RSF1: variants seen among roughly 807,000 people sequenced by gnomAD.
RSF1 encodes HBV pX-associated protein 8.
A neutral mutation model predicts 145.2 loss-of-function variants in RSF1; 13 were observed. That is an observed-to-expected ratio of 0.09 (90% CI 0.06 to 0.14). The LOEUF (loss-of-function observed/expected upper bound fraction) is 0.14. Among genes scored for constraint, RSF1 ranks in the 10% least tolerant of loss-of-function variants. RSF1 has a pLI of 1.00. For missense variants in RSF1, 1,517 were observed against 1,718.2 expected (o/e 0.88, Z 2.07); for synonymous variants, 577 against 592.6 (o/e 0.97, Z 0.38).
In RSF1 at chr11:77,673,105, TA is replaced by T. The variant is rs543814999; in HGVS notation, c.3563-876del. ...CGGCTACCACAAATCCGCCTCCTGA[TA>T]ATATGCTGTTCTACCTGTCACTATA... On this transcript the variant is annotated intron_variant, in intron 14 of 15. Coordinates refer to ENST00000308488, the MANE Select transcript of RSF1 (RefSeq NM_016578.4). Among the ~76,000 whole-genome samples, 74 of 152,358 alleles carry T rather than the reference TA, an allele frequency of 4.9e-4. 1 individual carries two copies. In the South Asian group the frequency reaches 0.015, roughly 30 times the overall value.
At chr11:77,806,935 G>A (rs1250596780) in intron 1 of RSF1, among the ~76,000 whole-genome samples, 5 of 152,132 alleles carry the variant, frequency 3.3e-5, no homozygotes, top group African/African-American at 2.4e-5. Context: ...CATTCATTCA[G>A]CTAACATTTG....
the RSF1 span, among the ~76,000 whole-genome samples, chr11:77,852,409 CAT>C: frequency 6.6e-6 from 1 of 151,978 alleles, no homozygotes; most frequent in Non-Finnish European, 1.5e-5. Flanking sequence ...CTTTCTGAAT[CAT>C]GTAAAATATT....
chr11:77,702,710 A>C, intron 5 of RSF1: 1 of 365,186 alleles, frequency 2.7e-6, no homozygotes, highest in South Asian at 1.4e-4. Context: ...AATTTAGAAA[A>C]ATTTAGGTTT....
At chr11:77,681,170 T>C (rs562845655) in intron 11 of RSF1, among the ~76,000 whole-genome samples, 2 of 152,360 alleles carry the variant, frequency 1.3e-5, no homozygotes, top group African/African-American at 2.4e-5. Flanking sequence ...CATGTATCTA[T>C]AGTCCCTTGG....
intron 1 of RSF1, among the ~76,000 whole-genome samples, chr11:77,779,237 TCA>T (rs1337865833): frequency 1.3e-5 from 2 of 152,076 alleles, no homozygotes; most frequent in Non-Finnish European, 2.9e-5. Flanking sequence ...AGACAGAGTC[TCA>T]CTCTGTTACT....
intron 8 of RSF1, among the ~76,000 whole-genome samples, chr11:77,692,994 G>A (rs572698177): frequency 6.6e-6 from 1 of 152,220 alleles, no homozygotes; most frequent in South Asian, 2.1e-4. Flanking sequence ...CATTTTTAAG[G>A]CAAATGAAAG....
At chr11:77,756,960 T>C (rs1447965742) in intron 2 of RSF1, among the ~76,000 whole-genome samples, 3 of 152,172 alleles carry the variant, frequency 2.0e-5, no homozygotes, top group Non-Finnish European at 4.4e-5. Context: ...GTGAGTTATC[T>C]ACAAAGTGAG....
At chr11:77,703,732 G>A (rs1407421471) in intron 5 of RSF1, among the ~76,000 whole-genome samples, 1 of 152,072 alleles carries the variant, frequency 6.6e-6, no homozygotes, top group African/African-American at 2.4e-5. Flanking sequence ...TCTTTACAAA[G>A]TCAGTGCCAT....
Position 77,701,367 on chromosome 11 carries a change from C to G in RSF1, c.1862G>C (p.Gly621Ala), listed in dbSNP as rs1277761062. ...AGAAGTTTCAGCTGCCTCAGGAGAGCCAGGCTTTTCTGACTCTAGAGTACT... is the reference window on the plus strand; with the variant it reads ...AGAAGTTTCAGCTGCCTCAGGAGAGGCAGGCTTTTCTGACTCTAGAGTACT... ...PKSTLESEKP[G>A]SPEAAETSPP... is the part of the protein sequence containing the mutation. The change falls in exon 6 of 16, where the codon GGC (glycine) becomes GCC (alanine). Residue 621 changes from glycine to alanine, a missense_variant. Coordinates refer to ENST00000308488, the MANE Select transcript of RSF1 (RefSeq NM_016578.4). 2 of 1,613,934 alleles carry G rather than the reference C, an allele frequency of 1.2e-6. No homozygotes were observed. The highest frequency in any genetic ancestry group is 1.7e-6 in the Non-Finnish European group (2 of 1,180,002).
chr11:77,803,062 CAGA>C (rs773796785), intron 1 of RSF1, among the ~76,000 whole-genome samples: 8 of 152,128 alleles, frequency 5.3e-5, no homozygotes, highest in Non-Finnish European at 7.3e-5. Flanking sequence ...CTAGCCATGC[CAGA>C]AGGACCTATT....
intron 5 of RSF1, among the ~76,000 whole-genome samples, chr11:77,704,908 C>T (rs550792203): frequency 3.3e-5 from 5 of 152,140 alleles, no homozygotes; most frequent in African/African-American, 4.8e-5. Context: ...TGCACCACTA[C>T]GCCCGGCTAA....
intron 9 of RSF1, among the ~76,000 whole-genome samples, chr11:77,685,854 T>A (rs191290241): frequency 6.6e-6 from 1 of 152,186 alleles, no homozygotes; most frequent in Non-Finnish European, 1.5e-5. Flanking sequence ...TTTGGGTGTA[T>A]GTATAAACAA....
chr11:77,700,294 T>A (rs1960383439), intron 6 of RSF1, among the ~76,000 whole-genome samples: 1 of 128,430 alleles, frequency 7.8e-6, no homozygotes, highest in African/African-American at 3.0e-5. Flanking sequence ...GAGGTTGCAG[T>A]GAGCCGAGAT....
At chr11:77,775,389 CA>C (rs1356004485) in intron 1 of RSF1, among the ~76,000 whole-genome samples, 1 of 152,132 alleles carries the variant, frequency 6.6e-6, no homozygotes, top group Non-Finnish European at 1.5e-5. Flanking sequence ...CTGGGTTGTT[CA>C]GAGCACTGTG....
intron 4 of RSF1, chr11:77,735,142 G>A: frequency 1.1e-5 from 8 of 714,514 alleles, no homozygotes; most frequent in South Asian, 8.9e-5. Context: ...GGCTGGCTAT[G>A]GGCGGCCGGC....
intron 15 of RSF1, among the ~76,000 whole-genome samples, chr11:77,668,679 T>A (rs902090693): frequency 1.3e-5 from 2 of 152,224 alleles, no homozygotes; most frequent in Non-Finnish European, 2.9e-5. Context: ...TTATATAACA[T>A]TTACACTGTA....
chr11:77,821,793 A>G (rs917589350), upstream of RSF1, among the ~76,000 whole-genome samples: 7 of 152,142 alleles, frequency 4.6e-5, no homozygotes, highest in Non-Finnish European at 1.0e-4. Context: ...GTAAAATAGA[A>G]TGTGCAGCCT....
intron 1 of RSF1, among the ~76,000 whole-genome samples, chr11:77,790,412 A>G (rs1948505060): frequency 6.6e-6 from 1 of 152,144 alleles, no homozygotes; most frequent in South Asian, 2.1e-4. Context: ...TGGTAATTCA[A>G]GATGAGATCT....
Position 77,729,895 on chromosome 11 carries a change from C to CAAA in RSF1, c.579-4199_579-4197dup, listed in dbSNP as rs398045289. Among the ~76,000 whole-genome samples the CAAA allele has an allele frequency of 7.1e-3, 347 of 48,890 alleles. 25 individuals carry two copies. The highest frequency in any genetic ancestry group is 0.013 in the African/African-American group (229 of 17,154). The allele number at this position is 48,890 out of a possible 152,430, so 32.1% of individuals were successfully genotyped here. ...TATAAATGCCAAATTATTCAGTAGG[C>CAAA]AAAAAAAAAAAAAAAAAAAAAAAAA... On this transcript the variant is annotated intron_variant, in intron 4 of 15. Transcript: ENST00000308488.
Sources: gnomAD v4.1 joint callset for allele counts (sites outside exome capture counted in the v4.1 genomes callset) on GRCh38, gnomAD v4.1.1 for gene constraint, MANE v1.5 for transcripts, NCBI Gene and HGNC (gene_info 2026-07-23, HGNC 2026-07-21) for gene names.